GABRG3: variants seen among roughly 807,000 people sequenced by gnomAD.
GABRG3 encodes the protein gamma-aminobutyric acid receptor subunit gamma-3.
In GABRG3, 25 loss-of-function variants were observed where a neutral mutation model predicts 48.8. The observed-to-expected ratio is 0.51, with a 90% CI of 0.37 to 0.72. The LOEUF (loss-of-function observed/expected upper bound fraction) is 0.72. Among genes scored for constraint, GABRG3 ranks in the 30% least tolerant of loss-of-function variants. The probability of loss-of-function intolerance (pLI) is 0.00; values close to 1 mark genes in which losing one functional copy is unlikely to be tolerated. For missense variants in GABRG3, 394 were observed against 577.9 expected, an observed-to-expected ratio of 0.68 and a Z score of 3.26; for synonymous variants, 227 against 217.6, an observed-to-expected ratio of 1.04 and a Z score of -0.38.
intron 3 of GABRG3, among the ~76,000 whole-genome samples, chr15:27,290,246 G>A (rs935285646): frequency 3.0e-4 from 46 of 152,092 alleles, no homozygotes; most frequent in African/African-American, 1.1e-3. Flanking sequence ...ATAAATAAAA[G>A]ATTGAATAAG....
At chr15:27,455,507 A>C (rs1042262714) in intron 5 of GABRG3, among the ~76,000 whole-genome samples, 4 of 146,696 alleles carry the variant, frequency 2.7e-5, no homozygotes, top group Non-Finnish European at 6.0e-5. Context: ...GTGTGTGTGC[A>C]TTTGTGTATA....
At chr15:27,238,419 A>G (rs1393661560) in intron 3 of GABRG3, among the ~76,000 whole-genome samples, 1 of 152,200 alleles carries the variant, frequency 6.6e-6, no homozygotes, top group Non-Finnish European at 1.5e-5. Context: ...GTGCGTCATC[A>G]CTGCAGCTAT....
At chr15:27,523,357 A>G (rs1891201315) in intron 7 of GABRG3, among the ~76,000 whole-genome samples, 1 of 151,720 alleles carries the variant, frequency 6.6e-6, no homozygotes, top group Non-Finnish European at 1.5e-5. Context: ...TGCATTTGAT[A>G]TGCAGAAATT....
chr15:27,016,110 T>G (rs1242870262), intron 2 of GABRG3, among the ~76,000 whole-genome samples: 1 of 152,156 alleles, frequency 6.6e-6, no homozygotes, highest in African/African-American at 2.4e-5. Flanking sequence ...TTTATATGGC[T>G]TAATGTTGCT....
intron 5 of GABRG3, among the ~76,000 whole-genome samples, chr15:27,370,438 C>T (rs527577212): frequency 7.2e-5 from 11 of 152,322 alleles, no homozygotes; most frequent in African/African-American, 1.4e-4. Context: ...GACAACCTAA[C>T]GCTGCCAGTC....
intron 3 of GABRG3, among the ~76,000 whole-genome samples, chr15:27,046,753 T>C (rs1328854707): frequency 6.6e-6 from 1 of 152,224 alleles, no homozygotes; most frequent in Non-Finnish European, 1.5e-5. Context: ...CACACACCTT[T>C]AAAATGTCAG....
rs1407239952 is a variant in GABRG3 at position 27,535,154 on chromosome 15, A to G, written c.*2273A>G. ...CGCCAAGGGAAGGTGGCCCAAGGGC[A>G]GTCTTAAGACACAATGTCAAACGTT... On this transcript the variant is annotated 3_prime_UTR_variant, in exon 10 of 10. Transcript: ENST00000615808. The G allele has an allele frequency of 6.6e-6, 1 of 152,240 alleles. No individual in the cohort carries two copies. The highest frequency in any genetic ancestry group is 1.5e-5 in the Non-Finnish European group (1 of 68,058). The allele number at this position is 152,240 out of a possible 1,614,324, so 9.4% of individuals were successfully genotyped here. A position where few individuals can be genotyped will look rare whatever the true frequency, so the allele number is the denominator to read the frequency against.
intron 2 of GABRG3, among the ~76,000 whole-genome samples, chr15:27,009,623 A>G (rs1049184379): frequency 2.0e-5 from 3 of 152,220 alleles, no homozygotes; most frequent in African/African-American, 7.2e-5. Context: ...GAAAGCTAAC[A>G]ATGCCTACAT....
intron 6 of GABRG3, among the ~76,000 whole-genome samples, chr15:27,514,801 C>T (rs1210183461): frequency 6.6e-6 from 1 of 152,002 alleles, no homozygotes; most frequent in South Asian, 2.1e-4. Flanking sequence ...CATACAGATA[C>T]GAACACACAA....
In GABRG3 at chr15:27,533,050, T is replaced by C. The variant is rs1891467222; in HGVS notation, c.*169T>C. 1 of 618,366 alleles carries C rather than the reference T, an allele frequency of 1.6e-6. No homozygotes were observed. The highest frequency in any genetic ancestry group is 2.8e-6 in the Non-Finnish European group (1 of 355,530). 38.3% of individuals were successfully genotyped at this position (618,366 alleles called of 1,614,324 possible). A position where few individuals can be genotyped will look rare whatever the true frequency, so the allele number is the denominator to read the frequency against. On this transcript the variant is annotated 3_prime_UTR_variant, in exon 10 of 10. Coordinates refer to ENST00000615808, the MANE Select transcript of GABRG3 (RefSeq NM_033223.5). Reference sequence around the variant, plus strand: ...AAGTACCCAGCAAAGGTTTCTATTATGTATTTTACACACACACATACATAC... The same window carrying C: ...AAGTACCCAGCAAAGGTTTCTATTACGTATTTTACACACACACATACATAC...
chr15:27,438,919 T>TGCTCC (rs1481595659), intron 5 of GABRG3, among the ~76,000 whole-genome samples: 1 of 152,210 alleles, frequency 6.6e-6, no homozygotes, highest in African/African-American at 2.4e-5. Flanking sequence ...GACTCTGCTC[T>TGCTCC]GCTCCGGGAA....
intron 5 of GABRG3, among the ~76,000 whole-genome samples, chr15:27,390,896 C>T (rs377539082): frequency 2.0e-5 from 3 of 152,104 alleles, no homozygotes; most frequent in African/African-American, 7.2e-5. Flanking sequence ...CAAGACCAGC[C>T]TGGCCAACAT....
In GABRG3 at chr15:27,466,644, C is replaced by T. The variant is rs909039630; in HGVS notation, c.575-14006C>T. ...AAAACAAATATCACTCTTCTGTAGACAAAAGGCTGTGCACAGTGTAATTTT... is the reference window on the plus strand; with the variant it reads ...AAAACAAATATCACTCTTCTGTAGATAAAAGGCTGTGCACAGTGTAATTTT... On this transcript the variant is annotated intron_variant, in intron 5 of 9. Transcript: ENST00000615808. Among the ~76,000 whole-genome samples the T allele has an allele frequency of 4.6e-5, 7 of 152,342 alleles. No individual in the cohort carries two copies. The East Asian group carries it at 5.8e-4, about 13-fold the overall frequency.
chr15:27,176,266 A>C (rs1214354492), intron 3 of GABRG3, among the ~76,000 whole-genome samples: 1 of 152,190 alleles, frequency 6.6e-6, no homozygotes, highest in African/African-American at 2.4e-5. Context: ...ACCTCTTTCT[A>C]AATCCATGCT....
At chr15:27,189,665 C>T (rs1367252611) in intron 3 of GABRG3, among the ~76,000 whole-genome samples, 3 of 152,150 alleles carry the variant, frequency 2.0e-5, no homozygotes, top group Admixed American at 6.6e-5. Flanking sequence ...ACAGTCATGT[C>T]GTCTGCAAAC....
chr15:27,056,486 T>C (rs546221905), intron 3 of GABRG3, among the ~76,000 whole-genome samples: 3 of 152,176 alleles, frequency 2.0e-5, no homozygotes, highest in Non-Finnish European at 4.4e-5. Flanking sequence ...AGCCTGAGAA[T>C]TTGCAAGAAT....
At chr15:27,044,820 G>A (rs1377697873) in intron 3 of GABRG3, among the ~76,000 whole-genome samples, 2 of 152,238 alleles carry the variant, frequency 1.3e-5, no homozygotes, top group Non-Finnish European at 2.9e-5. Flanking sequence ...TAACCAGTTG[G>A]CCGCCTGTGA....
chr15:27,514,330 C>T (rs1890969014), intron 6 of GABRG3, among the ~76,000 whole-genome samples: 2 of 152,176 alleles, frequency 1.3e-5, no homozygotes, highest in Non-Finnish European at 2.9e-5. Context: ...TGTTTAGGCT[C>T]TTAGGGCTGC....
intron 5 of GABRG3, among the ~76,000 whole-genome samples, chr15:27,475,284 A>G (rs1889904120): frequency 2.0e-5 from 3 of 152,250 alleles, no homozygotes; most frequent in Non-Finnish European, 4.4e-5. Context: ...TACATTACTT[A>G]GTGTCTCAGT....
Sources: gnomAD v4.1 joint callset for allele counts (sites outside exome capture counted in the v4.1 genomes callset) on GRCh38, gnomAD v4.1.1 for gene constraint, MANE v1.5 for transcripts, NCBI Gene and HGNC (gene_info 2026-07-23, HGNC 2026-07-21) for gene names.